Variants in TNNI3K observed in about 807,000 individuals in gnomAD.
TNNI3K encodes the protein serine/threonine-protein kinase TNNI3K.
A neutral mutation model predicts 114.5 loss-of-function variants in TNNI3K; 140 were observed. The ratio of observed to expected loss-of-function variants is 1.22; its 90% CI spans 1.07 to 1.41. The LOEUF (loss-of-function observed/expected upper bound fraction) is 1.41, where lower values mean the gene tolerates loss of function less well. TNNI3K is among the 40% of genes most tolerant of loss of function. The pLI is 0.00. For synonymous variants in TNNI3K, 347 were observed against 347.5 expected (o/e 1.00, Z 0.02); for missense variants, 1,125 against 1,007.6 (o/e 1.12, Z -1.58).
At chr1:74,235,944 A>G (rs1182422494) in intron 1 of TNNI3K, among the ~76,000 whole-genome samples, 158 bp from the exon 2 acceptor site, 1 of 151,634 alleles carries the variant, frequency 6.6e-6, no homozygotes, top group Non-Finnish European at 1.5e-5. Flanking sequence ...TGCATTTTAA[A>G]TATAAACATC....
At chr1:74,476,273 C>T (rs1477828823) in intron 21 of TNNI3K, among the ~76,000 whole-genome samples, 1 of 152,082 alleles carries the variant, frequency 6.6e-6, no homozygotes, top group Non-Finnish European at 1.5e-5. Context: ...AACCCATGTG[C>T]CGACTCTAAC....
intron 2 of TNNI3K, among the ~76,000 whole-genome samples, chr1:74,246,419 A>G (rs1031044669): frequency 6.6e-6 from 1 of 152,162 alleles, no homozygotes; most frequent in African/African-American, 2.4e-5. Context: ...TTTTTCTCTT[A>G]AAGTTTGTAG....
chr1:74,375,490 G>A lies in TNNI3K; in HGVS notation c.1772+5098G>A, dbSNP rs546569599. 149 of 442,572 alleles carry A rather than the reference G, an allele frequency of 3.4e-4. 2 individuals carry two copies. Among genetic ancestry groups the A allele is most frequent in the South Asian group, 5.8e-4 (37 of 63,286 alleles). 27.4% of individuals were successfully genotyped at this position (442,572 alleles called of 1,614,324 possible). A position where few individuals can be genotyped will look rare whatever the true frequency, so the allele number is the denominator to read the frequency against. ...CACATAGCTGGAGACTGAAAGATTA[G>A]AAACCTCCCCAGATTGCTTCTGGGG... On this transcript the variant is annotated intron_variant, in intron 17 of 24. Transcript: ENST00000326637.
intron 5 of TNNI3K, among the ~76,000 whole-genome samples, chr1:74,299,618 T>C (rs1658196339): frequency 1.3e-5 from 2 of 152,150 alleles, no homozygotes; most frequent in Non-Finnish European, 1.5e-5. Flanking sequence ...GTGGTATTAT[T>C]ATCTTCATTA....
intron 2 of TNNI3K, among the ~76,000 whole-genome samples, chr1:74,246,115 A>G (rs1169711704): frequency 1.3e-5 from 2 of 152,248 alleles, no homozygotes; most frequent in African/African-American, 4.8e-5. Flanking sequence ...ACTGTTTTAA[A>G]TGTCTACTTA....
chr1:74,437,095 A>G (rs936161102), intron 19 of TNNI3K, among the ~76,000 whole-genome samples: 2 of 151,954 alleles, frequency 1.3e-5, no homozygotes, highest in Admixed American at 1.3e-4. Flanking sequence ...CTCTTTCTGG[A>G]CTACTTGTGA....
chr1:74,432,708 A>T (rs1394029864), intron 17 of TNNI3K, among the ~76,000 whole-genome samples: 1 of 152,064 alleles, frequency 6.6e-6, no homozygotes, highest in Non-Finnish European at 1.5e-5. Context: ...ACCTTACAGT[A>T]ACATATTGAA....
intron 5 of TNNI3K, among the ~76,000 whole-genome samples, chr1:74,301,709 C>G (rs1658340332): frequency 6.6e-6 from 1 of 152,128 alleles, no homozygotes; most frequent in Non-Finnish European, 1.5e-5. Flanking sequence ...ATTTTCCTGT[C>G]CCACTCACAG....
chr1:74,542,255 T>G (rs900737525), intron 24 of TNNI3K, among the ~76,000 whole-genome samples: 3 of 152,176 alleles, frequency 2.0e-5, no homozygotes, highest in Non-Finnish European at 2.9e-5. Flanking sequence ...ATTGGAGTCC[T>G]GTGGGGCAAG....
At chr1:74,300,498 A>T (rs1658259432) in intron 5 of TNNI3K, among the ~76,000 whole-genome samples, 3 of 152,388 alleles carry the variant, frequency 2.0e-5, no homozygotes, top group Middle Eastern at 6.8e-3. Flanking sequence ...AGAAGATCGA[A>T]GCAAATAAAT....
chr1:74,471,110 A>C, intron 21 of TNNI3K: 1 of 400,688 alleles, frequency 2.5e-6, no homozygotes, highest in Non-Finnish European at 4.4e-6. Flanking sequence ...GGCAATTTTG[A>C]TGTGTTTCCA....
intron 17 of TNNI3K, among the ~76,000 whole-genome samples, chr1:74,414,418 G>A (rs1297947998): frequency 6.6e-6 from 1 of 152,034 alleles, no homozygotes; most frequent in Non-Finnish European, 1.5e-5. Flanking sequence ...GTTATACTTG[G>A]GATTGTGATT....
At chr1:74,246,466 T>C (rs1210971338) in intron 2 of TNNI3K, among the ~76,000 whole-genome samples, 2 of 152,212 alleles carry the variant, frequency 1.3e-5, no homozygotes, top group East Asian at 3.9e-4. Context: ...GAATGAAAAC[T>C]GTGACTGGAA....
Position 74,294,480 on chromosome 1 carries a change from C to G in TNNI3K, c.444+22772C>G, listed in dbSNP as rs537234587. On this transcript the variant is annotated intron_variant, in intron 5 of 24. Transcript: ENST00000326637. The stretch of plus-strand genomic sequence containing the variant: ...GTGCATTTTGCACACCTCTTTCTAA[C>G]TCTCTCCTCAGTGATGTCATGCAAG... 5.3e-5 allele frequency among the ~76,000 whole-genome samples: 8 copies of G among 152,136 alleles called. No individual in the cohort carries two copies. In the South Asian group the frequency reaches 6.2e-4, roughly 12 times the overall value.
intron 21 of TNNI3K, among the ~76,000 whole-genome samples, chr1:74,478,045 G>A (rs1011035984): frequency 6.6e-6 from 1 of 152,022 alleles, no homozygotes; most frequent in Admixed American, 6.6e-5. Flanking sequence ...TATGTTCTTT[G>A]GAATTTTTAT....
At chr1:74,255,602 G>A (rs1458793202) in intron 4 of TNNI3K, among the ~76,000 whole-genome samples, 2 of 152,096 alleles carry the variant, frequency 1.3e-5, no homozygotes, top group East Asian at 3.8e-4. Flanking sequence ...TTTTGTTTTA[G>A]TTTGTTGAGT....
At chr1:74,385,261 G>A (rs1027581646) in intron 17 of TNNI3K, among the ~76,000 whole-genome samples, 11 of 152,130 alleles carry the variant, frequency 7.2e-5, no homozygotes, top group Non-Finnish European at 1.6e-4. Flanking sequence ...TTGCAAGAGG[G>A]ACCATGAATC....
At chr1:74,427,511 C>T (rs1273031564) in intron 17 of TNNI3K, among the ~76,000 whole-genome samples, 1 of 151,992 alleles carries the variant, frequency 6.6e-6, no homozygotes, top group Non-Finnish European at 1.5e-5. Context: ...AGTCAAAAAC[C>T]TCTGTTCATC....
chr1:74,290,059 G>T (rs549505431), intron 5 of TNNI3K, among the ~76,000 whole-genome samples: 2 of 151,884 alleles, frequency 1.3e-5, no homozygotes, highest in African/African-American at 2.4e-5. Flanking sequence ...CCCCAGAAAA[G>T]TGGAAACCTC....
Sources: gnomAD v4.1 joint callset for allele counts (sites outside exome capture counted in the v4.1 genomes callset) on GRCh38, gnomAD v4.1.1 for gene constraint, MANE v1.5 for transcripts, NCBI Gene and HGNC (gene_info 2026-07-23, HGNC 2026-07-21) for gene names.